Variants in CERK observed in about 807,000 individuals in gnomAD.
The protein encoded by CERK is ceramide kinase.
In CERK, 39 loss-of-function variants were observed where a neutral mutation model predicts 63.4. The observed-to-expected ratio is 0.61, with a 90% CI of 0.48 to 0.80. The LOEUF is 0.80. CERK is among the 30% of genes least tolerant of loss of function. The probability of loss-of-function intolerance (pLI) is 0.00; values close to 1 mark genes in which losing one functional copy is unlikely to be tolerated. For synonymous variants in CERK, 302 were observed against 280.0 expected (o/e 1.08, Z -0.78); for missense variants, 670 against 714.1 (o/e 0.94, Z 0.70).
intron 1 of CERK, among the ~76,000 whole-genome samples, chr22:46,729,767 C>T (rs7285266): frequency 0.021 from 3,155 of 152,034 alleles, 94 homozygotes; most frequent in African/African-American, 0.071. Flanking sequence ...TGGCCAGGCG[C>T]GGTGGCTCAT....
At position 46,684,763 on chromosome 22, in the gene CERK, T is replaced by C. The variant is rs1380556700; in HGVS notation, c.*2371A>G. ...ACAGGTGTTGTATGTCTGCCGCATC[T>C]GAAAGGCTGCCCCGGAAATCAGAGC... On this transcript the variant is annotated 3_prime_UTR_variant, in exon 13 of 13. Coordinates refer to ENST00000216264, the MANE Select transcript of CERK (RefSeq NM_022766.6). 6.6e-6 allele frequency: 1 copy of C among 152,222 alleles called. No homozygotes were observed. Among genetic ancestry groups the C allele is most frequent in the East Asian group, 1.9e-4 (1 of 5,196 alleles). The allele number at this position is 152,222 out of a possible 1,614,324, so 9.4% of individuals were successfully genotyped here.
At chr22:46,706,447 G>T (rs2082813542) in intron 6 of CERK, among the ~76,000 whole-genome samples, 1 of 152,144 alleles carries the variant, frequency 6.6e-6, no homozygotes, top group South Asian at 2.1e-4. Flanking sequence ...TTATCTGAGA[G>T]ACTTGTTATT....
chr22:46,692,516 C>T (rs112961212), intron 10 of CERK, among the ~76,000 whole-genome samples: 1,994 of 151,276 alleles, frequency 0.013, 42 homozygotes, highest in African/African-American at 0.046. Context: ...GAAGGAGAAT[C>T]GCTTGAACCC....
At chr22:46,709,200 GA>G (rs2082828305) in intron 5 of CERK, among the ~76,000 whole-genome samples, 1 of 152,232 alleles carries the variant, frequency 6.6e-6, no homozygotes, top group South Asian at 2.1e-4. Flanking sequence ...TCAGCCGCAG[GA>G]AGAGCAGCCC....
At chr22:46,717,072 T>G (rs1467983788) in intron 3 of CERK, among the ~76,000 whole-genome samples, 1 of 152,182 alleles carries the variant, frequency 6.6e-6, no homozygotes, top group Non-Finnish European at 1.5e-5. Flanking sequence ...CATATGAATG[T>G]GTTTCTCAAC....
chr22:46,718,385 C>G (rs976526231), intron 3 of CERK, among the ~76,000 whole-genome samples: 1 of 151,946 alleles, frequency 6.6e-6, no homozygotes, highest in African/African-American at 2.4e-5. Flanking sequence ...AAGGGGGAGT[C>G]GAGAGACAAA....
chr22:46,709,732 G>C (rs1459719121), intron 5 of CERK, among the ~76,000 whole-genome samples: 4 of 152,196 alleles, frequency 2.6e-5, no homozygotes, highest in Non-Finnish European at 5.9e-5. Context: ...ATTAACTACA[G>C]GGGAATAGCT....
At position 46,686,862 on chromosome 22, in the gene CERK, A is replaced by ACG. The variant is rs1344965663; in HGVS notation, c.*271_*272insCG. ...CCATTTTCTAAACTACACTGTTGACATCGTTAAAACCTAAGAGGCCAGTGC... is the reference window on the plus strand; with the variant it reads ...CCATTTTCTAAACTACACTGTTGACACGTCGTTAAAACCTAAGAGGCCAGTGC... On this transcript the variant is annotated 3_prime_UTR_variant, in exon 13 of 13. Transcript: ENST00000216264. 4.6e-6 allele frequency: 2 copies of ACG among 434,898 alleles called. No individual in the cohort carries two copies. The highest frequency in any genetic ancestry group is 8.4e-6 in the Non-Finnish European group (2 of 236,962). The allele number at this position is 434,898 out of a possible 1,614,324, so 26.9% of individuals were successfully genotyped here.
chr22:46,733,540 C>T (rs1028703755), intron 1 of CERK, among the ~76,000 whole-genome samples: 10 of 151,668 alleles, frequency 6.6e-5, no homozygotes, highest in African/African-American at 1.4e-4. Context: ...GTGATCCACC[C>T]GCCTCGGCCT....
chr22:46,730,344 C>G (rs2082939496), intron 1 of CERK, among the ~76,000 whole-genome samples: 1 of 151,948 alleles, frequency 6.6e-6, no homozygotes, highest in Admixed American at 6.6e-5. Context: ...CTGCTTGAAC[C>G]CAGGAGGTGG....
intron 1 of CERK, among the ~76,000 whole-genome samples, chr22:46,733,808 G>A (rs138772537): frequency 1.3e-3 from 201 of 151,664 alleles, no homozygotes; most frequent in African/African-American, 4.3e-3. Context: ...TTGGGAGGCC[G>A]AGGCAGGCAG....
chr22:46,722,206 C>CA (rs151333907), intron 1 of CERK, among the ~76,000 whole-genome samples: 5,053 of 151,696 alleles, frequency 0.033, 277 homozygotes, highest in African/African-American at 0.12. Context: ...TAGCTAAATG[C>CA]AAAAAAAATT....
At chr22:46,733,668 T>A (rs189125840) in intron 1 of CERK, among the ~76,000 whole-genome samples, 1 of 152,266 alleles carries the variant, frequency 6.6e-6, no homozygotes, top group East Asian at 1.9e-4. Flanking sequence ...ATCTAGCTTT[T>A]TCTTTATTCT....
chr22:46,729,486 G>A (rs368048523), intron 1 of CERK, among the ~76,000 whole-genome samples: 205 of 152,110 alleles, frequency 1.3e-3, no homozygotes, highest in African/African-American at 4.5e-3. Context: ...ATGGAACACC[G>A]TAACCTCGAA....
Position 46,703,615 on chromosome 22 carries a change from G to T in CERK, c.716-1905C>A, listed in dbSNP as rs1000357224. Among the ~76,000 whole-genome samples, 4 of 152,178 alleles carry T rather than the reference G, an allele frequency of 2.6e-5. No individual in the cohort carries two copies. In the East Asian group the frequency reaches 5.8e-4, roughly 22 times the overall value. ...TTACTCCTCCACTCAAGGCGATGCT[G>T]CGGAGCAGAGACTCCACACAGCCCC... On this transcript the variant is annotated intron_variant, in intron 6 of 12. Coordinates refer to ENST00000216264, the MANE Select transcript of CERK (RefSeq NM_022766.6).
At chr22:46,692,282 CA>C (rs371593474) in intron 10 of CERK, among the ~76,000 whole-genome samples, 1,942 of 151,784 alleles carry the variant, frequency 0.013, 41 homozygotes, top group African/African-American at 0.044. Context: ...AAAAATTAGC[CA>C]GGCGTGGCGG....
intron 7 of CERK, among the ~76,000 whole-genome samples, chr22:46,700,072 C>G (rs1361187492): frequency 7.1e-6 from 1 of 140,358 alleles, no homozygotes; most frequent in Non-Finnish European, 1.5e-5. Context: ...CTGGGCCACA[C>G]ACAGAGTGAG....
intron 6 of CERK, among the ~76,000 whole-genome samples, chr22:46,704,593 G>A (rs532659791): frequency 2.2e-4 from 33 of 152,176 alleles, no homozygotes; most frequent in African/African-American, 7.2e-4. Flanking sequence ...TTGGGAGGCC[G>A]AGGTGGGCAG....
At chr22:46,724,129 C>T (rs1399590614) in intron 1 of CERK, among the ~76,000 whole-genome samples, 1 of 152,208 alleles carries the variant, frequency 6.6e-6, no homozygotes, top group East Asian at 1.9e-4. Flanking sequence ...CTCCTCAGCC[C>T]ACTCAACATG....
Sources: allele counts gnomAD v4.1 joint callset (sites outside exome capture counted in the v4.1 genomes callset), GRCh38; gene constraint gnomAD v4.1.1; transcripts MANE v1.5; gene names NCBI Gene and HGNC (gene_info 2026-07-23, HGNC 2026-07-21).